The following NBEAL1 variants were observed in gnomAD, a reference collection of about 807,000 sequenced individuals.
NBEAL1 encodes neurobeachin like 1.
Under a neutral mutation model 351.3 loss-of-function variants are expected in NBEAL1, and 273 were observed. The observed-to-expected ratio is 0.78, with a 90% CI of 0.70 to 0.86. The LOEUF (loss-of-function observed/expected upper bound fraction) is 0.86. Among genes scored for constraint, NBEAL1 ranks in the 40% least tolerant of loss-of-function variants. The pLI, the probability that NBEAL1 is intolerant of heterozygous loss-of-function variation, is 0.00. For synonymous variants in NBEAL1, 1,050 were observed against 1,086.4 expected, an observed-to-expected ratio of 0.97 and a Z score of 0.66; for missense variants, 2,961 against 3,201.3, an observed-to-expected ratio of 0.92 and a Z score of 1.81.
chr2:203,073,609 G>A (rs1431023628), intron 7 of NBEAL1, among the ~76,000 whole-genome samples: 1 of 152,114 alleles, frequency 6.6e-6, no homozygotes, highest in Non-Finnish European at 1.5e-5. Flanking sequence ...CCTATGAATA[G>A]CCACTGCATT....
chr2:203,183,832 TGGAGGCCAA>T (rs998466438), intron 44 of NBEAL1, among the ~76,000 whole-genome samples: 4 of 151,928 alleles, frequency 2.6e-5, no homozygotes, highest in African/African-American at 9.7e-5. Flanking sequence ...CTAGCACTTT[TGGAGGCCAA>T]GGAGGCCAAG....
chr2:203,195,994 C>T (rs773183391), intron 47 of NBEAL1, among the ~76,000 whole-genome samples: 6 of 152,126 alleles, frequency 3.9e-5, no homozygotes, highest in Non-Finnish European at 7.4e-5. Flanking sequence ...CAGCCAAGTC[C>T]CAGATGCCAA....
At chr2:203,108,584 T>C (rs1262602965) in intron 14 of NBEAL1, among the ~76,000 whole-genome samples, 2 of 151,926 alleles carry the variant, frequency 1.3e-5, no homozygotes, top group African/African-American at 2.4e-5. Context: ...ATTTTTTTTT[T>C]CGTAGAGATG....
chr2:203,103,779 A>G (rs1386877051), intron 12 of NBEAL1, among the ~76,000 whole-genome samples: 3 of 152,132 alleles, frequency 2.0e-5, no homozygotes, highest in Non-Finnish European at 2.9e-5. Context: ...TGCTTTAGCT[A>G]TGTCCCAGAG....
At chr2:203,118,558 A>G (rs1357592561) in intron 18 of NBEAL1, among the ~76,000 whole-genome samples, 1 of 151,386 alleles carries the variant, frequency 6.6e-6, no homozygotes, top group Non-Finnish European at 1.5e-5. Context: ...TCCAAACAGT[A>G]TATTTAGTGG....
At chr2:203,061,133 A>G (rs1335413522) in intron 6 of NBEAL1, among the ~76,000 whole-genome samples, 1 of 152,214 alleles carries the variant, frequency 6.6e-6, no homozygotes, top group East Asian at 1.9e-4. Context: ...GAAAAACTGA[A>G]GGCTTTGCCA....
chr2:203,186,942 A>G (rs554618722), intron 44 of NBEAL1, among the ~76,000 whole-genome samples: 3 of 152,326 alleles, frequency 2.0e-5, no homozygotes, highest in East Asian at 1.9e-4. Flanking sequence ...ACAACCTTAA[A>G]TCTTTCTGAG....
chr2:203,145,797 C>T (rs1276712506), intron 33 of NBEAL1, among the ~76,000 whole-genome samples: 1 of 86,138 alleles, frequency 1.2e-5, no homozygotes, highest in African/African-American at 4.5e-5. Context: ...GACTCCATCT[C>T]AAAAAAAAAA....
Position 203,224,998 on chromosome 2 carries a change from T to A in NBEAL1, c.*7644T>A, listed in dbSNP as rs2065993116. On this transcript the variant is annotated 3_prime_UTR_variant, in exon 56 of 56. Transcript: ENST00000683969. ...TGCTATTTTTAAAAAATTCATTGTG[T>A]GTATATGAGCTAATACTTGATTTGT... Among the ~76,000 whole-genome samples the A allele has an allele frequency of 6.6e-6, 1 of 152,210 alleles. No homozygotes were observed. The highest frequency in any genetic ancestry group is 2.1e-4 in the South Asian group (1 of 4,834).
At chr2:203,157,598 A>G in intron 35 of NBEAL1, 101 bp from the exon 36 acceptor site, 2 of 805,244 alleles carry the variant, frequency 2.5e-6, no homozygotes, top group Non-Finnish European at 3.6e-6. Flanking sequence ...ACATATTGTT[A>G]TATCTAACAG....
intron 46 of NBEAL1, among the ~76,000 whole-genome samples, chr2:203,193,436 T>A (rs1486415385): frequency 6.6e-6 from 1 of 152,186 alleles, no homozygotes; most frequent in Non-Finnish European, 1.5e-5. Context: ...AAGGCACTTA[T>A]AACCTAGCTG....
intron 48 of NBEAL1, among the ~76,000 whole-genome samples, chr2:203,198,583 G>T (rs571604293): frequency 6.6e-6 from 1 of 152,154 alleles, no homozygotes; most frequent in African/African-American, 2.4e-5. Flanking sequence ...AAGATAAATT[G>T]GGCTGAGCGC....
chr2:203,058,560 T>C (rs1016681928), intron 6 of NBEAL1, among the ~76,000 whole-genome samples: 2 of 152,230 alleles, frequency 1.3e-5, no homozygotes, highest in Non-Finnish European at 2.9e-5. Context: ...CAGCTGGTGC[T>C]GATATCTCTT....
intron 3 of NBEAL1, among the ~76,000 whole-genome samples, chr2:203,045,289 A>T (rs2061208414): frequency 6.6e-6 from 1 of 152,176 alleles, no homozygotes; most frequent in Non-Finnish European, 1.5e-5. Flanking sequence ...TTTCTTGTTG[A>T]CATATGTTTT....
chr2:203,060,084 A>G (rs1051204068), intron 6 of NBEAL1, among the ~76,000 whole-genome samples: 1 of 152,236 alleles, frequency 6.6e-6, no homozygotes, highest in Admixed American at 6.5e-5. Context: ...TGAAACAATG[A>G]CATAATTTTT....
intron 2 of NBEAL1, among the ~76,000 whole-genome samples, chr2:203,026,176 C>T (rs1574861331): frequency 6.6e-6 from 1 of 152,216 alleles, no homozygotes; most frequent in South Asian, 2.1e-4. Context: ...ATGTTAGCTT[C>T]AGAATTTGGG....
At chr2:203,217,154 ATTTG>A in intron 55 of NBEAL1, 95 bp from the exon 56 acceptor site, 1 of 854,356 alleles carries the variant, frequency 1.2e-6, no homozygotes, top group Non-Finnish European at 1.6e-6. Flanking sequence ...TCTGCTAACA[ATTTG>A]TTTCTTTTCA....
At chr2:203,027,916 G>A (rs114698285) in intron 2 of NBEAL1, among the ~76,000 whole-genome samples, 3,642 of 151,076 alleles carry the variant, frequency 0.024, 154 homozygotes, top group African/African-American at 0.084. Flanking sequence ...ATGGAGTCTC[G>A]CTCTGTCACC....
intron 2 of NBEAL1, among the ~76,000 whole-genome samples, chr2:203,021,680 G>C (rs1007182900): frequency 3.3e-5 from 5 of 152,078 alleles, no homozygotes; most frequent in Non-Finnish European, 5.9e-5. Context: ...CATACAGTAA[G>C]AGAGATGGTG....
Sources: allele counts gnomAD v4.1 joint callset (sites outside exome capture counted in the v4.1 genomes callset), GRCh38; gene constraint gnomAD v4.1.1; transcripts MANE v1.5; gene names NCBI Gene and HGNC (gene_info 2026-07-23, HGNC 2026-07-21).